The following FLI1 variants were observed in gnomAD, a reference collection of about 807,000 sequenced individuals.
FLI1 encodes Friend leukemia integration 1 transcription factor.
FLI1 carries 13 observed loss-of-function variants against 53.1 expected under a neutral mutation model. The ratio of observed to expected loss-of-function variants is 0.24; its 90% CI spans 0.16 to 0.39. FLI1 has a LOEUF of 0.39. Among genes scored for constraint, FLI1 ranks in the 10% least tolerant of loss-of-function variants. The pLI, the probability that FLI1 is intolerant of heterozygous loss-of-function variation, is 1.00. For synonymous variants in FLI1, 244 were observed against 236.7 expected (o/e 1.03, Z -0.28); for missense variants, 424 against 600.5 (o/e 0.71, Z 3.07).
chr11:128,757,050 TTCTTTCTTTC>T (rs1316933133), intron 1 of FLI1, among the ~76,000 whole-genome samples: 23 of 91,228 alleles, frequency 2.5e-4, no homozygotes, highest in Admixed American at 2.3e-3. Context: ...AATTTTTTCT[TTCTTTCTTTC>T]TTTCTTTCTT....
chr11:128,685,331 G>A (rs964633804), upstream of FLI1, among the ~76,000 whole-genome samples: 6 of 152,218 alleles, frequency 3.9e-5, no homozygotes, highest in South Asian at 6.2e-4. Flanking sequence ...GGAGCTGCCC[G>A]GAGTTCCGCT....
At chr11:128,802,288 C>A (rs141114420) in intron 5 of FLI1, among the ~76,000 whole-genome samples, 3 of 152,208 alleles carry the variant, frequency 2.0e-5, no homozygotes, top group Non-Finnish European at 4.4e-5. Context: ...ATTGACCAGA[C>A]GTCTCCTCGA....
At chr11:128,796,837 T>C (rs1271044656) in intron 5 of FLI1, among the ~76,000 whole-genome samples, 1 of 152,158 alleles carries the variant, frequency 6.6e-6, no homozygotes, top group African/African-American at 2.4e-5. Flanking sequence ...CAGCCAGGCA[T>C]GGTGGCAGGC....
intron 1 of FLI1, among the ~76,000 whole-genome samples, chr11:128,739,473 G>A (rs182732251): frequency 1.1e-4 from 16 of 145,336 alleles, no homozygotes; most frequent in Non-Finnish European, 1.7e-4. Flanking sequence ...AAACAAGCCC[G>A]TGAGCCTTCA....
At chr11:128,693,513 A>T, upstream of FLI1, 1 of 176,512 alleles carries the variant, frequency 5.7e-6, no homozygotes. Flanking sequence ...CTCCCTCCAT[A>T]CCCCCCCTAC....
chr11:128,739,426 A>T (rs1940037707), intron 1 of FLI1, among the ~76,000 whole-genome samples: 1 of 151,576 alleles, frequency 6.6e-6, no homozygotes, highest in Non-Finnish European at 1.5e-5. Flanking sequence ...CCACCCCTCA[A>T]CCCCCCTGCC....
intron 1 of FLI1, among the ~76,000 whole-genome samples, chr11:128,722,941 A>C (rs1376555213): frequency 6.6e-6 from 1 of 152,144 alleles, no homozygotes; most frequent in Non-Finnish European, 1.5e-5. Flanking sequence ...TCAACAGTGA[A>C]TGCTTATCTC....
intron 1 of FLI1, among the ~76,000 whole-genome samples, chr11:128,703,842 C>CAAAAAAAAA (rs35230795): frequency 4.4e-5 from 2 of 45,944 alleles, no homozygotes; most frequent in African/African-American, 1.1e-4. Flanking sequence ...GACTCCGTCT[C>CAAAAAAAAA]AAAAAAAAAA....
chr11:128,694,550 C>T (rs1046762167), intron 1 of FLI1, among the ~76,000 whole-genome samples: 32 of 138,012 alleles, frequency 2.3e-4, no homozygotes, highest in African/African-American at 8.9e-4. Context: ...GCCGGGGCTG[C>T]AGGAGGGGAC....
intron 1 of FLI1, among the ~76,000 whole-genome samples, chr11:128,722,858 C>T (rs1017210351): frequency 6.6e-6 from 1 of 152,154 alleles, no homozygotes; most frequent in African/African-American, 2.4e-5. Context: ...AGAATCCAAA[C>T]AATCGGGAGG....
chr11:128,727,580 C>A (rs1037885350), intron 1 of FLI1, among the ~76,000 whole-genome samples: 16 of 152,218 alleles, frequency 1.1e-4, no homozygotes, highest in Non-Finnish European at 2.2e-4. Flanking sequence ...GGCTGACTTG[C>A]TGCAGCCCAA....
chr11:128,728,796 T>G (rs1750675040), intron 1 of FLI1, among the ~76,000 whole-genome samples: 1 of 152,254 alleles, frequency 6.6e-6, no homozygotes, highest in Non-Finnish European at 1.5e-5. Context: ...AAACCTGCCT[T>G]GGCTACATCA....
intron 6 of FLI1, 152 bp downstream of exon 6, chr11:128,805,583 A>G (rs1942760871): frequency 3.4e-6 from 2 of 589,818 alleles, no homozygotes; most frequent in African/African-American, 1.9e-5. Context: ...GGGCCTTTCC[A>G]TGATACCAGT....
intron 1 of FLI1, among the ~76,000 whole-genome samples, chr11:128,708,159 G>A (rs1241428927): frequency 1.3e-5 from 2 of 152,180 alleles, no homozygotes; most frequent in Admixed American, 6.5e-5. Flanking sequence ...CCGTGCATGG[G>A]GGAGGAAGCT....
rs532296874 is a variant in FLI1, at chr11:128,790,492, T to C, written c.655+8469T>C. 7.8e-4 allele frequency among the ~76,000 whole-genome samples: 119 copies of C among 152,342 alleles called. 2 individuals carry two copies. Among genetic ancestry groups the C allele is most frequent in the African/African-American group, 2.7e-3 (111 of 41,586 alleles). ...GCTCTCTGAATTCAATTTGACAGCT[T>C]GTCTGGGACACTTTCTAAGTAACCA... On this transcript the variant is annotated intron_variant, in intron 5 of 8. Transcript: ENST00000527786.
At position 128,695,471 on chromosome 11, in the gene FLI1, G is replaced by T. The variant is rs187014009; in HGVS notation, c.18+1195G>T. 9.8e-4 allele frequency among the ~76,000 whole-genome samples: 149 copies of T among 152,286 alleles called. 1 individual carries two copies. Among genetic ancestry groups the T allele is most frequent in the African/African-American group, 3.3e-3 (136 of 41,556 alleles). ...CCATTCCCCAGAACCCGAAAGAATC[G>T]ACTCCCTGCTCAGGGCTCAGCAAGA... On this transcript the variant is annotated intron_variant, in intron 1 of 8. Coordinates refer to ENST00000527786, the MANE Select transcript of FLI1 (RefSeq NM_002017.5).
chr11:128,805,777 C>T lies in FLI1; in HGVS notation c.721+346C>T, dbSNP rs181654011. On this transcript the variant is annotated intron_variant, in intron 6 of 8. Transcript: ENST00000527786. ...ATAATGACTCTCTATAATTTTGCTC[C>T]CGTAACTGTTGAGGCTAAGTCGTAC... The T allele has an allele frequency of 1.9e-4, 39 of 209,352 alleles. No individual in the cohort carries two copies. The East Asian group carries it at 2.8e-3, about 15-fold the overall frequency. 13.0% of individuals were successfully genotyped at this position (209,352 alleles called of 1,614,324 possible).
At chr11:128,751,919 T>C (rs1377909824) in intron 1 of FLI1, among the ~76,000 whole-genome samples, 1 of 150,918 alleles carries the variant, frequency 6.6e-6, no homozygotes, top group Non-Finnish European at 1.5e-5. Flanking sequence ...CGGTTCAGCC[T>C]CCAAAAGTGC....
chr11:128,709,697 C>A (rs1244952767), intron 1 of FLI1, among the ~76,000 whole-genome samples: 1 of 152,234 alleles, frequency 6.6e-6, no homozygotes. Flanking sequence ...CTTGTCCAAC[C>A]TATGCTACAG....
Sources: gnomAD v4.1 joint callset for allele counts (sites outside exome capture counted in the v4.1 genomes callset) on GRCh38, gnomAD v4.1.1 for gene constraint, MANE v1.5 for transcripts, NCBI Gene and HGNC (gene_info 2026-07-23, HGNC 2026-07-21) for gene names.